The following NF1 variants were observed in gnomAD, a reference collection of about 807,000 sequenced individuals.
NF1 encodes neurofibromin.
Under a neutral mutation model 325.7 loss-of-function variants are expected in NF1, and 122 were observed. That is an observed-to-expected ratio of 0.37 (90% CI 0.32 to 0.44). The LOEUF (loss-of-function observed/expected upper bound fraction) is 0.44. Ranked by LOEUF, NF1 falls within the 20% of genes least tolerant of loss-of-function variation. The probability of loss-of-function intolerance (pLI) is 1.00; values close to 1 mark genes in which losing one functional copy is unlikely to be tolerated. For synonymous variants in NF1, 1,091 were observed against 1,186.0 expected, an observed-to-expected ratio of 0.92 and a Z score of 1.65; for missense variants, 2,140 against 3,415.4, an observed-to-expected ratio of 0.63 and a Z score of 9.31.
Position 31,270,844 on chromosome 17 carries a change from G to A in NF1, c.4835+5505G>A, listed in dbSNP as rs542466191. 7.2e-5 allele frequency among the ~76,000 whole-genome samples: 11 copies of A among 152,210 alleles called. No homozygotes were observed. The East Asian group carries it at 9.6e-4, about 13-fold the overall frequency. ...TATTATTAACAATTAATTGACGTAC[G>A]TATAAACTGAAACCCAAACATGGCT... On this transcript the variant is annotated intron_variant, in intron 36 of 57. Coordinates refer to ENST00000358273, the MANE Select transcript of NF1 (RefSeq NM_001042492.3).
intron 5 of NF1, among the ~76,000 whole-genome samples, chr17:31,170,241 G>A (rs1399358879): frequency 6.6e-6 from 1 of 152,072 alleles, no homozygotes; most frequent in African/African-American, 2.4e-5. Flanking sequence ...TACAATTTTT[G>A]TTTTCAATAC....
intron 19 of NF1, 39 bp from the exon 20 acceptor site, chr17:31,227,484 G>A (rs2067036216): frequency 2.5e-6 from 4 of 1,603,154 alleles, no homozygotes; most frequent in Non-Finnish European, 3.4e-6. Flanking sequence ...TTTAGCTCTA[G>A]ACTAAGTTGC....
chr17:31,305,072 T>A, intron 36 of NF1: 1 of 1,614,198 alleles, frequency 6.2e-7, no homozygotes, highest in Non-Finnish European at 8.5e-7. Flanking sequence ...CCTGGTGTAC[T>A]CCTAGGTGAA....
intron 1 of NF1, among the ~76,000 whole-genome samples, chr17:31,128,217 G>A (rs2143441398): frequency 6.6e-6 from 1 of 151,724 alleles, no homozygotes; most frequent in East Asian, 1.9e-4. Context: ...CTCCCAAAGT[G>A]TTAGGATTAT....
intron 6 of NF1, 75 bp from the exon 7 acceptor site, chr17:31,181,635 A>G: frequency 7.8e-7 from 1 of 1,286,914 alleles, no homozygotes; most frequent in Non-Finnish European, 1.1e-6. Flanking sequence ...TTATGAAGGA[A>G]GTTAGAAGTT....
rs71142032 is a variant in NF1 at position 31,181,801 on chromosome 17, ATTTT to A, written c.730+29_730+32del. On this transcript the variant is annotated intron_variant, in intron 7 of 57. Transcript: ENST00000358273. ...GATATGGCTGGTAAGGATACGATTG[ATTTT>A]TTTTTTTTTTTTGTCTTTTAAATGC... The A allele has an allele frequency of 2.8e-5, 34 of 1,218,372 alleles. No homozygotes were observed. Among genetic ancestry groups the A allele is most frequent in the East Asian group, 1.9e-4 (8 of 41,162 alleles). The allele number at this position is 1,218,372 out of a possible 1,614,324, so 75.5% of individuals were successfully genotyped here.
At chr17:31,095,521 G>A in intron 1 of NF1, 152 bp downstream of exon 1, 1 of 714,806 alleles carries the variant, frequency 1.4e-6, no homozygotes, top group Non-Finnish European at 2.2e-6. Flanking sequence ...GGGATAAGTG[G>A]GGGTGGCCAA....
intron 29 of NF1, among the ~76,000 whole-genome samples, chr17:31,246,532 G>T (rs1304608114): frequency 6.6e-6 from 1 of 152,232 alleles, no homozygotes; most frequent in African/African-American, 2.4e-5. Context: ...GTAAGGCACT[G>T]TGCTAGTCTT....
At chr17:31,325,705 T>G in intron 36 of NF1, 115 bp from the exon 37 acceptor site, 1 of 812,558 alleles carries the variant, frequency 1.2e-6, no homozygotes, top group Non-Finnish European at 1.9e-6. Flanking sequence ...TTTGAAGAAT[T>G]GTTTTATATT....
intron 1 of NF1, among the ~76,000 whole-genome samples, chr17:31,107,994 G>A (rs938909932): frequency 1.3e-5 from 2 of 151,690 alleles, no homozygotes; most frequent in South Asian, 2.1e-4. Context: ...GTAGCTAGGC[G>A]TGGTGGTGCA....
intron 4 of NF1, among the ~76,000 whole-genome samples, chr17:31,167,386 G>A (rs2065863107): frequency 6.6e-6 from 1 of 152,180 alleles, no homozygotes. Context: ...AAGCTAAAGT[G>A]AGTGAAACGA....
chr17:31,230,403 T>C, intron 23 of NF1, 21 bp downstream of exon 23: 3 of 1,612,786 alleles, frequency 1.9e-6, no homozygotes, highest in East Asian at 2.2e-5. Flanking sequence ...AAAAGAGCAA[T>C]GTAGGGTCTT....
intron 33 of NF1, among the ~76,000 whole-genome samples, chr17:31,259,474 A>T (rs2067646386): frequency 6.6e-6 from 1 of 152,170 alleles, no homozygotes; most frequent in Non-Finnish European, 1.5e-5. Flanking sequence ...ATAATACATA[A>T]CAATGTTTAA....
At chr17:31,169,043 G>A (rs1173455083) in intron 4 of NF1, among the ~76,000 whole-genome samples, 1 of 152,108 alleles carries the variant, frequency 6.6e-6, no homozygotes, top group African/African-American at 2.4e-5. Context: ...GTTGCGAAAG[G>A]TTACCCATGA....
At chr17:31,289,966 G>A (rs527540277) in intron 36 of NF1, among the ~76,000 whole-genome samples, 2 of 151,208 alleles carry the variant, frequency 1.3e-5, no homozygotes, top group Non-Finnish European at 2.9e-5. Flanking sequence ...CATTTTTATT[G>A]CATTTCTCAA....
Position 31,201,490 on chromosome 17 carries a change from G to C in NF1, c.1260+5G>C, listed in dbSNP as rs1060500253. On this transcript the variant is annotated splice_donor_5th_base_variant and intron_variant, in intron 11 of 57. Transcript: ENST00000358273. ...CTCCATCGAATCATCACCAATGTAA[G>C]TCCAAAAGGTATTGCTAAATTACTA... 6.2e-7 allele frequency: 1 copy of C among 1,604,698 alleles called. No homozygotes were observed. The highest frequency in any genetic ancestry group is 8.5e-7 in the Non-Finnish European group (1 of 1,173,912).
intron 1 of NF1, chr17:31,128,558 T>A (rs930254024): frequency 1.3e-5 from 2 of 152,206 alleles, no homozygotes; most frequent in East Asian, 3.9e-4. Flanking sequence ...CTGAAAAGGA[T>A]CTTATTTTTC....
intron 5 of NF1, among the ~76,000 whole-genome samples, chr17:31,175,216 A>C (rs925207807): frequency 3.3e-5 from 5 of 151,720 alleles, no homozygotes; most frequent in African/African-American, 1.2e-4. Context: ...AGTTATGTTA[A>C]ATATATTTGT....
At chr17:31,170,123 T>G in intron 5 of NF1, 126 bp downstream of exon 5, 1 of 675,616 alleles carries the variant, frequency 1.5e-6, no homozygotes, top group Non-Finnish European at 2.6e-6. Context: ...GACATTTCCT[T>G]GTGAAATAAC....
Sources: allele counts gnomAD v4.1 joint callset (sites outside exome capture counted in the v4.1 genomes callset), GRCh38; gene constraint gnomAD v4.1.1; transcripts MANE v1.5; gene names NCBI Gene and HGNC (gene_info 2026-07-23, HGNC 2026-07-21).